The following DNAI3 variants were observed in gnomAD, a reference collection of about 807,000 sequenced individuals.
DNAI3 encodes dynein axonemal intermediate chain 3.
A neutral mutation model predicts 115.5 loss-of-function variants in DNAI3; 83 were observed. The observed-to-expected ratio is 0.72, with a 90% CI of 0.60 to 0.86. The LOEUF is 0.86. Ranked by LOEUF, DNAI3 falls within the 40% of genes least tolerant of loss-of-function variation. The pLI, the probability that DNAI3 is intolerant of heterozygous loss-of-function variation, is 0.00. For synonymous variants in DNAI3, 320 were observed against 347.0 expected (o/e 0.92, Z 0.86); for missense variants, 1,004 against 1,075.8 (o/e 0.93, Z 0.93).
At chr1:85,129,619 C>A (rs754560408) in intron 21 of DNAI3, among the ~76,000 whole-genome samples, 1 of 152,134 alleles carries the variant, frequency 6.6e-6, no homozygotes, top group Non-Finnish European at 1.5e-5. Flanking sequence ...GAAAAAGCAA[C>A]CCCTGAATAT....
chr1:85,088,781 A>C (rs2100575163), intron 7 of DNAI3, among the ~76,000 whole-genome samples: 1 of 152,300 alleles, frequency 6.6e-6, no homozygotes, highest in African/African-American at 2.4e-5. Flanking sequence ...CGAAAGTAAG[A>C]GTGACTCTTA....
intron 17 of DNAI3, among the ~76,000 whole-genome samples, chr1:85,118,347 G>T (rs1655894755): frequency 6.6e-6 from 1 of 152,158 alleles, no homozygotes; most frequent in South Asian, 2.1e-4. Context: ...CATTTTCTAT[G>T]TATCAGTGTC....
intron 5 of DNAI3, among the ~76,000 whole-genome samples, chr1:85,083,026 G>A (rs896633877): frequency 6.6e-6 from 1 of 152,160 alleles, no homozygotes; most frequent in Non-Finnish European, 1.5e-5. Flanking sequence ...TTTGTTCAAG[G>A]TGGGTAAGAA....
At chr1:85,064,152 T>G (rs573670465) in intron 1 of DNAI3, among the ~76,000 whole-genome samples, 1 of 152,188 alleles carries the variant, frequency 6.6e-6, no homozygotes, top group South Asian at 2.1e-4. Context: ...ATGTTTTTAT[T>G]TGATGCATGG....
Position 85,126,540 on chromosome 1 carries a change from A to G in DNAI3, c.2142A>G (p.Ala714=). ...MTGPLLQSCC[A]PKRYTSGHWS... Reference sequence around the variant, plus strand: ...GACCGCTCCTTCAGTCATGCTGTGCACCAAAAAGGTACACCTCAGGCCACT... The same window carrying G: ...GACCGCTCCTTCAGTCATGCTGTGCGCCAAAAAGGTACACCTCAGGCCACT... The change falls in exon 20 of 23, where the codon GCA becomes GCG. Residue 714 remains alanine (A), a synonymous_variant. Coordinates refer to ENST00000294664, the MANE Select transcript of DNAI3 (RefSeq NM_145172.5). The G allele has an allele frequency of 6.2e-7, 1 of 1,614,106 alleles. No individual in the cohort carries two copies. Among genetic ancestry groups the G allele is most frequent in the Non-Finnish European group, 8.5e-7 (1 of 1,179,986 alleles).
At chr1:85,126,413 A>G (rs1032776274) in intron 19 of DNAI3, 98 bp from the exon 20 acceptor site, 50 of 1,289,636 alleles carry the variant, frequency 3.9e-5, no homozygotes, top group Non-Finnish European at 5.1e-5. Flanking sequence ...TTATATGATC[A>G]TAGCTAGCTT....
At chr1:85,093,837 C>A in intron 9 of DNAI3, 189 bp downstream of exon 9, 1 of 714,232 alleles carries the variant, frequency 1.4e-6, no homozygotes, top group Non-Finnish European at 2.5e-6. Context: ...CTGTAGGATA[C>A]ACACCTGTCA....
intron 22 of DNAI3, 113 bp downstream of exon 22, chr1:85,130,225 C>G: frequency 6.8e-7 from 1 of 1,477,812 alleles, no homozygotes. Context: ...ACATTCTTCT[C>G]TTGTTCTCAT....
At position 85,093,510 on chromosome 1, in the gene DNAI3, T is replaced by A; in HGVS notation, c.910T>A (p.Trp304Arg). The A allele has an allele frequency of 6.2e-7, 1 of 1,614,174 alleles. No homozygotes were observed. Among genetic ancestry groups the A allele is most frequent in the Non-Finnish European group, 8.5e-7 (1 of 1,180,030 alleles). ...AATCATGAACACATTTATTGATGAC[T>A]GGAAATACCTCGCAGAAGAAGAAGG... ...NEIMNTFIDD[W>R]KYLAEEEGTF... Residue 304 changes from tryptophan (W) to arginine (R), a missense_variant, in exon 9 of 23, where the codon TGG becomes AGG. Physicochemically the swap from Trp to Arg is moderately radical, Grantham distance 101. Around this residue, in one of 3 missense-constraint regions of DNAI3, gnomAD observed 550 missense variants for 568.1 expected, o/e 0.97. Coordinates refer to ENST00000294664, the MANE Select transcript of DNAI3 (RefSeq NM_145172.5).
chr1:85,099,368 C>A lies in DNAI3; in HGVS notation c.1479+710C>A, dbSNP rs1355909574. 6 of 725,896 alleles carry A rather than the reference C, an allele frequency of 8.3e-6. No individual in the cohort carries two copies. In the African/African-American group the frequency reaches 1.2e-4, roughly 14 times the overall value. 45.0% of individuals were successfully genotyped at this position (725,896 alleles called of 1,614,324 possible). Reference sequence around the variant, plus strand: ...GAGAGCCAAATCATGAGTGAACTCCCATTCACAATTGCTTCAAAGAGAATA... The same window carrying A: ...GAGAGCCAAATCATGAGTGAACTCCAATTCACAATTGCTTCAAAGAGAATA... On this transcript the variant is annotated intron_variant, in intron 13 of 22. Transcript: ENST00000294664.
intron 7 of DNAI3, among the ~76,000 whole-genome samples, chr1:85,086,541 C>G (rs1365070966): frequency 6.6e-6 from 1 of 152,170 alleles, no homozygotes; most frequent in African/African-American, 2.4e-5. Context: ...AACAAGCTCT[C>G]TGTGTGCCAG....
At chr1:85,126,841 T>C in intron 20 of DNAI3, 126 bp downstream of exon 20, 1 of 901,592 alleles carries the variant, frequency 1.1e-6, no homozygotes, top group South Asian at 1.7e-5. Flanking sequence ...CATCCCTTCT[T>C]ATCCCTTCCC....
chr1:85,114,429 G>A (rs543043537), intron 16 of DNAI3, among the ~76,000 whole-genome samples: 27 of 152,266 alleles, frequency 1.8e-4, no homozygotes, highest in African/African-American at 6.0e-4. Context: ...AATGTCATTT[G>A]CAAATAGAGA....
intron 6 of DNAI3, among the ~76,000 whole-genome samples, 174 bp from the exon 7 acceptor site, chr1:85,085,657 G>A (rs962869187): frequency 3.3e-5 from 5 of 152,170 alleles, no homozygotes; most frequent in East Asian, 1.9e-4. Flanking sequence ...TAGCCCTAGA[G>A]CAGCCCTCCA....
chr1:85,087,434 C>CAAAAAAA (rs1162431713), intron 7 of DNAI3, among the ~76,000 whole-genome samples: 38 of 46,616 alleles, frequency 8.2e-4, no homozygotes, highest in East Asian at 2.0e-3. Flanking sequence ...GACTCCATCT[C>CAAAAAAA]AAAAAAAAAA....
At chr1:85,110,283 C>G in intron 16 of DNAI3, 148 bp downstream of exon 16, 1 of 593,172 alleles carries the variant, frequency 1.7e-6, no homozygotes, top group South Asian at 2.0e-5. Context: ...AACCCCGTCT[C>G]TACTAAAACT....
In DNAI3 at chr1:85,094,320, T is replaced by C. The variant is rs1047367528; in HGVS notation, c.1049-111T>C. On this transcript the variant is annotated intron_variant, in intron 9 of 22. Transcript: ENST00000294664. Reference sequence around the variant, plus strand: ...CAGAGCTCTAAGAAAACTCTTGCTCTCCTGTGGACAAAGTGTAAATGAAGA... The same window carrying C: ...CAGAGCTCTAAGAAAACTCTTGCTCCCCTGTGGACAAAGTGTAAATGAAGA... 6 of 1,425,622 alleles carry C rather than the reference T, an allele frequency of 4.2e-6. No individual in the cohort carries two copies. The African/African-American group carries it at 7.1e-5, about 17-fold the overall frequency. 88.3% of individuals were successfully genotyped at this position (1,425,622 alleles called of 1,614,324 possible). A position where few individuals can be genotyped will look rare whatever the true frequency, so the allele number is the denominator to read the frequency against.
chr1:85,078,143 A>C (rs574091844), intron 3 of DNAI3, among the ~76,000 whole-genome samples: 1 of 151,830 alleles, frequency 6.6e-6, no homozygotes, highest in Non-Finnish European at 1.5e-5. Context: ...CTCTCCATGG[A>C]TCTTCTGTGT....
At chr1:85,110,017 A>C (rs369781101) in intron 15 of DNAI3, 31 bp from the exon 16 acceptor site, 15 of 1,595,176 alleles carry the variant, frequency 9.4e-6, no homozygotes, top group Middle Eastern at 1.7e-4. Flanking sequence ...GGATATGTGG[A>C]AATAATCTTT....
Sources: allele counts gnomAD v4.1 joint callset (sites outside exome capture counted in the v4.1 genomes callset), GRCh38; gene constraint gnomAD v4.1.1; regional missense constraint gnomAD v4.1.1; transcripts MANE v1.5; gene names NCBI Gene and HGNC (gene_info 2026-07-23, HGNC 2026-07-21).